The following PACS1 variants were observed in gnomAD, a reference collection of about 807,000 sequenced individuals.
PACS1 encodes the protein phosphofurin acidic cluster sorting protein 1.
PACS1 carries 24 observed loss-of-function variants against 115.0 expected under a neutral mutation model. The observed-to-expected ratio is 0.21, with a 90% CI of 0.15 to 0.29. The LOEUF is 0.29. PACS1 is among the 10% of genes least tolerant of loss of function. The probability of loss-of-function intolerance (pLI) is 1.00; values close to 1 mark genes in which losing one functional copy is unlikely to be tolerated. For missense variants in PACS1, 838 were observed against 1,251.2 expected, an observed-to-expected ratio of 0.67 and a Z score of 4.98; for synonymous variants, 453 against 504.5, an observed-to-expected ratio of 0.90 and a Z score of 1.37.
intron 7 of PACS1, chr11:66,218,159 G>A (rs1456521979): frequency 2.0e-5 from 3 of 151,838 alleles, no homozygotes; most frequent in Admixed American, 2.0e-4. Context: ...CTGTCACTGG[G>A]AGCTCGACTT....
chr11:66,208,863 T>C (rs1221493718), intron 2 of PACS1, among the ~76,000 whole-genome samples: 1 of 152,236 alleles, frequency 6.6e-6, no homozygotes, highest in Non-Finnish European at 1.5e-5. Flanking sequence ...AGGGTTATTG[T>C]AATTTACTTT....
Position 66,094,582 on chromosome 11 carries a change from AC to A in PACS1, c.356+23742del, listed in dbSNP as rs1857735121. ...GCTTACCAACCAAAAAGAGTCCAGT[AC>A]CAGATGGATTCACAGCTGAATTCTA... On this transcript the variant is annotated intron_variant, in intron 1 of 23. Transcript: ENST00000320580. 2.6e-5 allele frequency among the ~76,000 whole-genome samples: 4 copies of A among 152,218 alleles called. No individual in the cohort carries two copies. In the South Asian group the frequency reaches 8.3e-4, roughly 31 times the overall value.
At chr11:66,193,377 G>A (rs1039615479) in intron 1 of PACS1, 109 bp from the exon 2 acceptor site, 2 of 688,282 alleles carry the variant, frequency 2.9e-6, no homozygotes, top group African/African-American at 3.5e-5. Flanking sequence ...ACTGAGGACA[G>A]CGTTCTCACA....
intron 1 of PACS1, among the ~76,000 whole-genome samples, chr11:66,142,214 A>G (rs1350035527): frequency 1.3e-5 from 2 of 152,128 alleles, no homozygotes; most frequent in Admixed American, 6.5e-5. Flanking sequence ...TTCTGTACCA[A>G]TGTGTGCTGG....
intron 10 of PACS1, among the ~76,000 whole-genome samples, chr11:66,222,841 G>T (rs773771693): frequency 2.0e-4 from 30 of 152,120 alleles, no homozygotes; most frequent in African/African-American, 4.6e-4. Context: ...CCTTCTGCCT[G>T]TTGCCACCAG....
At chr11:66,167,981 C>T (rs1859645422) in intron 1 of PACS1, among the ~76,000 whole-genome samples, 1 of 150,426 alleles carries the variant, frequency 6.6e-6, no homozygotes, top group Admixed American at 6.6e-5. Context: ...GTGATCATGG[C>T]TCATTGCAAC....
rs61270162 is a variant in PACS1 at position 66,156,204 on chromosome 11, TTATATATATA to T, written c.357-37241_357-37232del. Among the ~76,000 whole-genome samples, 509 of 85,010 alleles carry T rather than the reference TTATATATATA, an allele frequency of 6.0e-3. 4 individuals are homozygous for T. The highest frequency in any genetic ancestry group is 0.018 in the Middle Eastern group (2 of 110). 55.8% of individuals were successfully genotyped at this position (85,010 alleles called of 152,430 possible). A position where few individuals can be genotyped will look rare whatever the true frequency, so the allele number is the denominator to read the frequency against. On this transcript the variant is annotated intron_variant, in intron 1 of 23. Coordinates refer to ENST00000320580, the MANE Select transcript of PACS1 (RefSeq NM_018026.4). ...CCACAAAGTTGTTTCATTTTTTAAA[TTATATATATA>T]TATATATATATATATATATATATAT...
chr11:66,083,901 T>G (rs1253025341), intron 1 of PACS1: 3 of 152,250 alleles, frequency 2.0e-5, no homozygotes, highest in Admixed American at 2.0e-4. Context: ...GGATAAGTCT[T>G]TGTAACTCTT....
chr11:66,079,109 T>C (rs1368434340), intron 1 of PACS1, among the ~76,000 whole-genome samples: 1 of 152,170 alleles, frequency 6.6e-6, no homozygotes, highest in Non-Finnish European at 1.5e-5. Flanking sequence ...GCTTTCACCA[T>C]GATGGCCAGG....
At chr11:66,082,449 A>G (rs1857498654) in intron 1 of PACS1, among the ~76,000 whole-genome samples, 1 of 152,138 alleles carries the variant, frequency 6.6e-6, no homozygotes, top group South Asian at 2.1e-4. Flanking sequence ...CTCTCACCTC[A>G]GCTTCGCAAA....
At chr11:66,241,862 G>A (rs761527773) in intron 22 of PACS1, among the ~76,000 whole-genome samples, 2 of 152,308 alleles carry the variant, frequency 1.3e-5, no homozygotes, top group Middle Eastern at 3.4e-3. Context: ...GCAGAGAGTC[G>A]CTTGGTCACT....
intron 1 of PACS1, among the ~76,000 whole-genome samples, chr11:66,158,111 T>TA (rs565184894): frequency 4.5e-4 from 68 of 152,262 alleles, no homozygotes; most frequent in African/African-American, 1.5e-3. Context: ...AGACTACAGA[T>TA]ACGCGCCACC....
At chr11:66,183,969 G>A (rs1009174835) in intron 1 of PACS1, among the ~76,000 whole-genome samples, 1 of 152,112 alleles carries the variant, frequency 6.6e-6, no homozygotes, top group South Asian at 2.1e-4. Flanking sequence ...GGGAGTGGTG[G>A]TGTTGCCTCT....
In PACS1 at chr11:66,070,722, C is replaced by T; in HGVS notation, c.236C>T (p.Ala79Val). ...SSSTSTSMAV[A>V]VASGSAPPGG... ...TCTACCTCCACCTCCATGGCCGTGG[C>T]GGTGGCCTCGGGCTCCGCGCCTCCC... The change falls in exon 1 of 24, where the codon GCG becomes GTG. Residue 79 changes from alanine to valine, a missense_variant. Around this residue, in one of 6 missense-constraint regions of PACS1, gnomAD observed 129 missense variants for 109.4 expected, o/e 1.18. Coordinates refer to ENST00000320580, the MANE Select transcript of PACS1 (RefSeq NM_018026.4). This position sits in a 1 kb window ranked among gnomAD's most constrained non-coding sequence, Gnocchi z 5.9. 1 of 1,570,620 alleles carries T rather than the reference C, an allele frequency of 6.4e-7. No individual in the cohort carries two copies. Among genetic ancestry groups the T allele is most frequent in the East Asian group, 2.4e-5 (1 of 41,178 alleles).
chr11:66,225,634 C>T (rs1470642519), intron 10 of PACS1, among the ~76,000 whole-genome samples: 2 of 152,242 alleles, frequency 1.3e-5, no homozygotes, highest in Non-Finnish European at 2.9e-5. Context: ...CTTAATAAAG[C>T]TGGGAGGAAT....
intron 1 of PACS1, among the ~76,000 whole-genome samples, chr11:66,134,254 CTT>C (rs1162472902): frequency 3.5e-3 from 266 of 75,068 alleles, no homozygotes; most frequent in African/African-American, 0.013. Context: ...TTTTCTTTTT[CTT>C]TTTTTTTTTT....
At chr11:66,072,368 C>G (rs2134489258) in intron 1 of PACS1, among the ~76,000 whole-genome samples, 1 of 152,206 alleles carries the variant, frequency 6.6e-6, no homozygotes, top group South Asian at 2.1e-4. Flanking sequence ...ACTCCTAGTG[C>G]TCTTGTGCAG....
intron 1 of PACS1, among the ~76,000 whole-genome samples, chr11:66,183,568 C>T (rs1860052205): frequency 6.6e-6 from 1 of 152,214 alleles, no homozygotes; most frequent in Non-Finnish European, 1.5e-5. Flanking sequence ...TTGCATTTAT[C>T]TGCTCTGGTC....
chr11:66,215,964 C>T (rs1855198035), intron 4 of PACS1, among the ~76,000 whole-genome samples, 155 bp from the exon 5 acceptor site: 2 of 150,208 alleles, frequency 1.3e-5, no homozygotes, highest in Non-Finnish European at 3.0e-5. Context: ...CAAAGTAAGA[C>T]CGTGAAGCAG....
Sources: allele counts gnomAD v4.1 joint callset (sites outside exome capture counted in the v4.1 genomes callset), GRCh38; gene constraint gnomAD v4.1.1; regional missense constraint gnomAD v4.1.1; non-coding constraint Gnocchi (gnomAD v3.1); transcripts MANE v1.5; gene names NCBI Gene and HGNC (gene_info 2026-07-23, HGNC 2026-07-21).